Variants in COPZ2 observed in about 807,000 individuals in gnomAD.
The protein encoded by COPZ2 is coat protein complex I subunit zeta 2, also known as coatomer subunit zeta-2.
In COPZ2, 30 loss-of-function variants were observed where a neutral mutation model predicts 33.2. The observed-to-expected ratio is 0.90, with a 90% CI of 0.68 to 1.23. The LOEUF (loss-of-function observed/expected upper bound fraction) is 1.23, where lower values mean the gene tolerates loss of function less well. COPZ2 is among the 50% of genes most tolerant of loss of function. The pLI is 0.00. For synonymous variants in COPZ2, 89 were observed against 102.6 expected (o/e 0.87, Z 0.80); for missense variants, 263 against 262.4 (o/e 1.00, Z -0.02).
chr17:48,032,189 G>C lies in COPZ2; in HGVS notation c.461C>G (p.Ala154Gly). The C allele has an allele frequency of 1.9e-6, 3 of 1,613,492 alleles. No individual in the cohort carries two copies. Among genetic ancestry groups the C allele is most frequent in the Non-Finnish European group, 1.7e-6 (2 of 1,179,736 alleles). The change falls in exon 6 of 9, where the codon GCC (alanine) becomes GGC (glycine). Residue 154 changes from alanine (A) to glycine (G), a missense_variant. Coordinates refer to ENST00000621465, the MANE Select transcript of COPZ2 (RefSeq NM_016429.4). ...CACAATCTCGTCCAGCACCAAGAAGGCTCCGTCCATGTTCTCCAGCAACCA... is the reference window on the plus strand; with the variant it reads ...CACAATCTCGTCCAGCACCAAGAAGCCTCCGTCCATGTTCTCCAGCAACCA... ...KRWLLENMDG[A>G]FLVLDEIVDG...
chr17:48,026,386 G>A lies in COPZ2; in HGVS notation c.*42C>T, dbSNP rs752084581. 6.5e-7 allele frequency: 1 copy of A among 1,527,034 alleles called. No individual in the cohort carries two copies. The highest frequency in any genetic ancestry group is 2.2e-5 in the East Asian group (1 of 44,556). 94.6% of individuals were successfully genotyped at this position (1,527,034 alleles called of 1,614,324 possible). On this transcript the variant is annotated 3_prime_UTR_variant, in exon 9 of 9. Coordinates refer to ENST00000621465, the MANE Select transcript of COPZ2 (RefSeq NM_016429.4). ...GATCTTTGGGCTTTTGCCAGGATTG[G>A]GGAAATGATCTGGGGGGCAGGGAGC...
rs1430455019 is a variant in COPZ2, at chr17:48,026,273, C to T, written c.*155G>A. The T allele has an allele frequency of 3.2e-6, 2 of 628,256 alleles. No individual in the cohort carries two copies. The highest frequency in any genetic ancestry group is 5.6e-6 in the Non-Finnish European group (2 of 356,792). The allele number at this position is 628,256 out of a possible 1,614,324, so 38.9% of individuals were successfully genotyped here. On this transcript the variant is annotated 3_prime_UTR_variant, in exon 9 of 9. Transcript: ENST00000621465. ...AAAGGTGACTCTCCTGAGGCCAAACCTTTGCATCTCAGAAGCCCTGGCTGG... is the reference window on the plus strand; with the variant it reads ...AAAGGTGACTCTCCTGAGGCCAAACTTTTGCATCTCAGAAGCCCTGGCTGG...
At chr17:48,029,563 G>T (rs1790228367) in intron 6 of COPZ2, 1 of 280,464 alleles carries the variant, frequency 3.6e-6, no homozygotes, top group Non-Finnish European at 6.5e-6. Context: ...AGAGGCCCTG[G>T]GGGTTCTTAT....
Position 48,028,405 on chromosome 17 carries a change from C to T in COPZ2, c.585+67G>A. On this transcript the variant is annotated intron_variant, in intron 8 of 8. Transcript: ENST00000621465. This position sits in a 1 kb window ranked among gnomAD's most constrained non-coding sequence, Gnocchi z 4.5. ...CTTCACTGGGTCCCCCTAGGATGCT[C>T]TAGGATGCTCTGCTCCCCGTATCTC... 1.3e-6 allele frequency: 2 copies of T among 1,515,206 alleles called. No homozygotes were observed. The highest frequency in any genetic ancestry group is 1.8e-6 in the Non-Finnish European group (2 of 1,115,406). The allele number at this position is 1,515,206 out of a possible 1,614,324, so 93.9% of individuals were successfully genotyped here. A position where few individuals can be genotyped will look rare whatever the true frequency, so the allele number is the denominator to read the frequency against.
At chr17:48,038,511 T>C (rs1328877875), upstream of COPZ2, among the ~76,000 whole-genome samples, 1 of 152,250 alleles carries the variant, frequency 6.6e-6, no homozygotes, top group Non-Finnish European at 1.5e-5. Context: ...CCCAGTGATA[T>C]GTTAGTGCTA....
chr17:48,026,260 C>A lies in COPZ2; in HGVS notation c.*168G>T, dbSNP rs2036815127. 9.8e-6 allele frequency: 6 copies of A among 609,924 alleles called. No individual in the cohort carries two copies. Among genetic ancestry groups the A allele is most frequent in the Non-Finnish European group, 1.7e-5 (6 of 344,036 alleles). The allele number at this position is 609,924 out of a possible 1,614,324, so 37.8% of individuals were successfully genotyped here. ...CAGGGCCGTGAGAAAAGGTGACTCTCCTGAGGCCAAACCTTTGCATCTCAG... is the reference window on the plus strand; with the variant it reads ...CAGGGCCGTGAGAAAAGGTGACTCTACTGAGGCCAAACCTTTGCATCTCAG... On this transcript the variant is annotated 3_prime_UTR_variant, in exon 9 of 9. Transcript: ENST00000621465.
At chr17:48,037,866 C>G, upstream of COPZ2, 1 of 980,620 alleles carries the variant, frequency 1.0e-6, no homozygotes, top group Non-Finnish European at 1.2e-6. This position sits in a 1 kb window ranked among gnomAD's most constrained non-coding sequence, Gnocchi z 5.6. Flanking sequence ...CCCCCTCTCG[C>G]GCGTGGCCTC....
At chr17:48,043,967 T>A in the COPZ2 span, among the ~76,000 whole-genome samples, 1 of 152,174 alleles carries the variant, frequency 6.6e-6, no homozygotes, top group South Asian at 2.1e-4. Flanking sequence ...TCAAAAAATG[T>A]TACACTAAGA....
chr17:48,037,705 C>A lies in COPZ2; in HGVS notation c.73G>T (p.Ala25Ser). ...GAAAAQAGGP[A>S]PPARAGEPSG... is the part of the protein sequence containing the mutation. ...GGCTCCCCGGCTCGAGCAGGCGGCG[C>A]CGGGCCCCCGGCCTGGGCCGCCGCG... The change falls in exon 1 of 9, where the codon GCG (alanine) becomes TCG (serine). Residue 25 changes from alanine (A) to serine (S), a missense_variant. By Grantham distance (99) the Ala-to-Ser change is moderately conservative. Transcript: ENST00000621465. This position sits in a 1 kb window ranked among gnomAD's most constrained non-coding sequence, Gnocchi z 5.6. 1 of 1,093,882 alleles carries A rather than the reference C, an allele frequency of 9.1e-7. No homozygotes were observed. Among genetic ancestry groups the A allele is most frequent in the Non-Finnish European group, 1.1e-6 (1 of 902,172 alleles). The allele number at this position is 1,093,882 out of a possible 1,614,324, so 67.8% of individuals were successfully genotyped here.
chr17:48,034,609 C>T (rs2036949934), intron 2 of COPZ2, among the ~76,000 whole-genome samples: 1 of 152,138 alleles, frequency 6.6e-6, no homozygotes, highest in Admixed American at 6.5e-5. Context: ...ACCAGGAGTC[C>T]TTCTTAAACA....
In COPZ2 at chr17:48,037,695, G is replaced by A. The variant is rs2037011113; in HGVS notation, c.83C>T (p.Ala28Val). Reference sequence around the variant, plus strand: ...CAGCCCCGAGGGCTCCCCGGCTCGAGCAGGCGGCGCCGGGCCCCCGGCCTG... The same window carrying A: ...CAGCCCCGAGGGCTCCCCGGCTCGAACAGGCGGCGCCGGGCCCCCGGCCTG... ...AAQAGGPAPP[A>V]RAGEPSGLRL... The change falls in exon 1 of 9, where the codon GCT becomes GTT. Residue 28 changes from alanine to valine, a missense_variant. Physicochemically the swap from Ala to Val is moderately conservative, Grantham distance 64. Transcript: ENST00000621465. The surrounding 1 kb of genome is among the most constrained non-coding windows in gnomAD (Gnocchi z 5.6). 1.6e-5 allele frequency: 18 copies of A among 1,098,226 alleles called. No individual in the cohort carries two copies. The highest frequency in any genetic ancestry group is 1.9e-5 in the Non-Finnish European group (17 of 905,064). The allele number at this position is 1,098,226 out of a possible 1,614,324, so 68.0% of individuals were successfully genotyped here.
At chr17:48,029,204 G>A in intron 6 of COPZ2, 28 bp from the exon 7 acceptor site, 1 of 1,557,114 alleles carries the variant, frequency 6.4e-7, no homozygotes, top group Non-Finnish European at 8.7e-7. Flanking sequence ...AAACCAGGAG[G>A]CAAATCAGTG....
Position 48,037,772 on chromosome 17 carries a change from C to A in COPZ2, c.6G>T (p.Gln2His). The change falls in exon 1 of 9, where the codon CAG becomes CAT. Residue 2 changes from glutamine (Q) to histidine (H), a missense_variant. Coordinates refer to ENST00000621465, the MANE Select transcript of COPZ2 (RefSeq NM_016429.4). This position sits in a 1 kb window ranked among gnomAD's most constrained non-coding sequence, Gnocchi z 5.6. The part of the protein sequence containing the change: M[Q>H]RPEAWPRPHP... ...GCGGACGTGGCCAGGCCTCGGGCCG[C>A]TGCATTCCGCTCGCCGCCTCGCACT... 2.0e-6 allele frequency: 2 copies of A among 1,018,214 alleles called. No homozygotes were observed. Among genetic ancestry groups the A allele is most frequent in the Non-Finnish European group, 2.3e-6 (2 of 853,220 alleles). The allele number at this position is 1,018,214 out of a possible 1,614,324, so 63.1% of individuals were successfully genotyped here.
upstream of COPZ2, chr17:48,037,856 C>A (rs1418112938): frequency 5.1e-6 from 5 of 976,902 alleles, no homozygotes; most frequent in African/African-American, 9.1e-5. This position sits in a 1 kb window ranked among gnomAD's most constrained non-coding sequence, Gnocchi z 5.6. Flanking sequence ...CGCCCCGCGG[C>A]CCCCTCTCGC....
At position 48,036,841 on chromosome 17, in the gene COPZ2, C is replaced by A; in HGVS notation, c.186+10G>T. 1 of 1,612,904 alleles carries A rather than the reference C, an allele frequency of 6.2e-7. No individual in the cohort carries two copies. Among genetic ancestry groups the A allele is most frequent in the Non-Finnish European group, 8.5e-7 (1 of 1,179,418 alleles). On this transcript the variant is annotated intron_variant, in intron 2 of 8. Coordinates refer to ENST00000621465, the MANE Select transcript of COPZ2 (RefSeq NM_016429.4). ...GAACTGTGTCCCTCATGGGTGGGGT[C>A]AGAGGTTACCTTGGCCAGCAGCCGG...
chr17:48,028,543 G>A lies in COPZ2; in HGVS notation c.547-33C>T. 1 of 1,599,380 alleles carries A rather than the reference G, an allele frequency of 6.3e-7. No individual in the cohort carries two copies. Among genetic ancestry groups the A allele is most frequent in the Non-Finnish European group, 8.5e-7 (1 of 1,173,172 alleles). ...GAAGCAGAGTCAAGGGGTGGGGTAG[G>A]GCCAGCATGAGGGTCCTGGGTCAGG... On this transcript the variant is annotated intron_variant, in intron 7 of 8. Transcript: ENST00000621465. This position sits in a 1 kb window ranked among gnomAD's most constrained non-coding sequence, Gnocchi z 4.5.
At chr17:48,030,210 C>T (rs367868086) in intron 6 of COPZ2, among the ~76,000 whole-genome samples, 1 of 150,762 alleles carries the variant, frequency 6.6e-6, no homozygotes, top group East Asian at 2.0e-4. Context: ...TTGCTTGAAC[C>T]CAGGAGGCAG....
At chr17:48,035,553 G>A (rs1031225610) in intron 2 of COPZ2, among the ~76,000 whole-genome samples, 13 of 151,766 alleles carry the variant, frequency 8.6e-5, no homozygotes, top group East Asian at 3.9e-4. Context: ...ACACCACCAC[G>A]CCCGGCTAAT....
At position 48,028,731 on chromosome 17, in the gene COPZ2, G is replaced by A. The variant is rs913517304; in HGVS notation, c.547-221C>T. 1.1e-4 allele frequency among the ~76,000 whole-genome samples: 17 copies of A among 152,018 alleles called. No homozygotes were observed. The highest frequency in any genetic ancestry group is 1.0e-3 in the Admixed American group (16 of 15,246). Reference sequence around the variant, plus strand: ...TGGTGCGTGGAGGGTGAGGGAAGATGGGAAGAAAGATGGGAAGAAAGGTTT... The same window carrying A: ...TGGTGCGTGGAGGGTGAGGGAAGATAGGAAGAAAGATGGGAAGAAAGGTTT... On this transcript the variant is annotated intron_variant, in intron 7 of 8. Coordinates refer to ENST00000621465, the MANE Select transcript of COPZ2 (RefSeq NM_016429.4). The surrounding 1 kb of genome is among the most constrained non-coding windows in gnomAD (Gnocchi z 4.5).
Sources: allele counts gnomAD v4.1 joint callset (sites outside exome capture counted in the v4.1 genomes callset), GRCh38; gene constraint gnomAD v4.1.1; non-coding constraint Gnocchi (gnomAD v3.1); transcripts MANE v1.5; gene names NCBI Gene and HGNC (gene_info 2026-07-23, HGNC 2026-07-21).